The following RSRC1 variants were observed in gnomAD, a reference collection of about 807,000 sequenced individuals.
RSRC1 encodes arginine and serine rich coiled-coil 1, also known as serine/Arginine-related protein 53.
Under a neutral mutation model 49.1 loss-of-function variants are expected in RSRC1, and 39 were observed. That is an observed-to-expected ratio of 0.79 (90% CI 0.61 to 1.04). The LOEUF (loss-of-function observed/expected upper bound fraction) is 1.04. Among genes scored for constraint, RSRC1 ranks in the 50% least tolerant of loss-of-function variants. The pLI is 0.00. For synonymous variants in RSRC1, 143 were observed against 130.8 expected (o/e 1.09, Z -0.63); for missense variants, 388 against 402.4 (o/e 0.96, Z 0.31).
At chr3:158,200,755 C>T (rs1347644471) in intron 3 of RSRC1, among the ~76,000 whole-genome samples, 1 of 152,008 alleles carries the variant, frequency 6.6e-6, no homozygotes. Context: ...ATATAGGAAC[C>T]TTTTAACAGT....
At chr3:158,126,848 A>C (rs1046098128) in intron 3 of RSRC1, among the ~76,000 whole-genome samples, 2 of 151,890 alleles carry the variant, frequency 1.3e-5, no homozygotes, top group Admixed American at 1.3e-4. Flanking sequence ...ATTTTGCTTG[A>C]TATAGTGTTC....
chr3:158,318,017 TTG>T (rs201577976), intron 5 of RSRC1, among the ~76,000 whole-genome samples: 1 of 132,840 alleles, frequency 7.5e-6, no homozygotes, highest in Non-Finnish European at 1.6e-5. Context: ...TTATGAAGTT[TTG>T]TGTGTGCGTG....
At position 158,461,007 on chromosome 3, in the gene RSRC1, A is replaced by G; in HGVS notation, c.652+4A>G. 1 of 1,592,886 alleles carries G rather than the reference A, an allele frequency of 6.3e-7. No individual in the cohort carries two copies. The highest frequency in any genetic ancestry group is 8.6e-7 in the Non-Finnish European group (1 of 1,165,834). On this transcript the variant is annotated splice_donor_region_variant and intron_variant, in intron 7 of 9. Transcript: ENST00000611884. ...GCAAAGAGAAGAAAGGAGGAAGGTA[A>G]AGGCATGTGTTCATTTTTCTCTGAG...
chr3:158,413,945 G>C lies in RSRC1; in HGVS notation c.584-46990G>C, dbSNP rs529388363. On this transcript the variant is annotated intron_variant, in intron 6 of 9. Transcript: ENST00000611884. ...AGTGTGGAGATTCCTCAAAGACCTA[G>C]ATCCAGAAATAACATTTGAACCAGC... is the stretch of plus-strand genomic sequence containing the variant. 5.3e-5 allele frequency among the ~76,000 whole-genome samples: 8 copies of C among 152,178 alleles called. No homozygotes were observed. The South Asian group carries it at 1.7e-3, about 32-fold the overall frequency.
chr3:158,156,162 A>C (rs527878391), intron 3 of RSRC1, among the ~76,000 whole-genome samples: 2 of 152,350 alleles, frequency 1.3e-5, no homozygotes, highest in African/African-American at 4.8e-5. Context: ...GTCCTCTATC[A>C]GCACGTACTG....
chr3:158,362,073 T>C (rs1316272033), intron 6 of RSRC1, among the ~76,000 whole-genome samples: 1 of 152,222 alleles, frequency 6.6e-6, no homozygotes, highest in Non-Finnish European at 1.5e-5. Context: ...ACATGGTGGC[T>C]CACTCCTATA....
At chr3:158,275,654 C>T (rs1300588832) in intron 4 of RSRC1, among the ~76,000 whole-genome samples, 1 of 152,212 alleles carries the variant, frequency 6.6e-6, no homozygotes, top group Non-Finnish European at 1.5e-5. Flanking sequence ...CACACCATCA[C>T]TTATTGTCTT....
chr3:158,307,810 AT>A (rs1029091638), intron 5 of RSRC1, among the ~76,000 whole-genome samples: 1 of 151,826 alleles, frequency 6.6e-6, no homozygotes, highest in Non-Finnish European at 1.5e-5. Flanking sequence ...AATTTTATGT[AT>A]ATGAAACTAA....
chr3:158,354,814 TA>T lies in RSRC1; in HGVS notation c.532-39del, dbSNP rs771571979. The T allele has an allele frequency of 4.0e-6, 6 of 1,482,986 alleles. No homozygotes were observed. In the African/African-American group the frequency reaches 5.8e-5, roughly 14 times the overall value. The allele number at this position is 1,482,986 out of a possible 1,614,324, so 91.9% of individuals were successfully genotyped here. A position where few individuals can be genotyped will look rare whatever the true frequency, so the allele number is the denominator to read the frequency against. ...AACTCCATCAATTAAAACTGACCTGTAAAAGTCTTGTATGGTTGAATTTTTT... is the reference window on the plus strand; with the variant it reads ...AACTCCATCAATTAAAACTGACCTGTAAAGTCTTGTATGGTTGAATTTTTT... On this transcript the variant is annotated intron_variant, in intron 5 of 9. Transcript: ENST00000611884.
At chr3:158,287,094 G>A (rs973436470) in intron 4 of RSRC1, among the ~76,000 whole-genome samples, 1 of 152,158 alleles carries the variant, frequency 6.6e-6, no homozygotes, top group African/African-American at 2.4e-5. Flanking sequence ...CCAAAGTGCT[G>A]GGATTACAGG....
At chr3:158,151,044 A>T (rs1717502636) in intron 3 of RSRC1, among the ~76,000 whole-genome samples, 1 of 152,204 alleles carries the variant, frequency 6.6e-6, no homozygotes, top group South Asian at 2.1e-4. Context: ...CCTTATATTT[A>T]TCCTTTGAAT....
At position 158,468,371 on chromosome 3, in the gene RSRC1, T is replaced by G. The variant is rs1409859682; in HGVS notation, c.652+7368T>G. On this transcript the variant is annotated intron_variant, in intron 7 of 9. Transcript: ENST00000611884. ...TCTGTCATTAAACACAAGTTTTTATTTTCTCAATTTTAGCAGCATTATCTT... is the reference window on the plus strand; with the variant it reads ...TCTGTCATTAAACACAAGTTTTTATGTTCTCAATTTTAGCAGCATTATCTT... Among the ~76,000 whole-genome samples, 5 of 152,334 alleles carry G rather than the reference T, an allele frequency of 3.3e-5. No individual in the cohort carries two copies. In the East Asian group the frequency reaches 9.6e-4, roughly 29 times the overall value.
chr3:158,381,314 G>C (rs1732684558), intron 6 of RSRC1, among the ~76,000 whole-genome samples: 1 of 152,150 alleles, frequency 6.6e-6, no homozygotes, highest in Admixed American at 6.5e-5. Flanking sequence ...TGTTGCTATT[G>C]TGATGAGCTC....
At chr3:158,246,416 A>G (rs767618545) in intron 4 of RSRC1, among the ~76,000 whole-genome samples, 5 of 151,724 alleles carry the variant, frequency 3.3e-5, no homozygotes, top group East Asian at 3.9e-4. Flanking sequence ...AAAGGATAGC[A>G]TTGTTATGTG....
At chr3:158,376,137 A>ATCCCTCCCTCCCTCCCTCCC (rs58871024) in intron 6 of RSRC1, among the ~76,000 whole-genome samples, 4 of 88,630 alleles carry the variant, frequency 4.5e-5, no homozygotes, top group African/African-American at 2.0e-4. Flanking sequence ...GAAAGAATAT[A>ATCCCTCCCTCCCTCCCTCCC]TCCCTCCCTC....
At chr3:158,193,321 C>T (rs1720350110) in intron 3 of RSRC1, among the ~76,000 whole-genome samples, 1 of 151,916 alleles carries the variant, frequency 6.6e-6, no homozygotes, top group Admixed American at 6.6e-5. Context: ...CCAAAATCCA[C>T]CTCATCTGGA....
intron 6 of RSRC1, among the ~76,000 whole-genome samples, chr3:158,370,526 T>G (rs1468867655): frequency 6.6e-6 from 1 of 151,994 alleles, no homozygotes; most frequent in African/African-American, 2.4e-5. Flanking sequence ...GTGTTTTGTG[T>G]CTGTAGTCTT....
At chr3:158,289,919 C>T (rs1268919021) in intron 4 of RSRC1, among the ~76,000 whole-genome samples, 1 of 142,394 alleles carries the variant, frequency 7.0e-6, no homozygotes, top group Non-Finnish European at 1.5e-5. Context: ...GTCTTTCTAT[C>T]TTTCTATCCA....
At chr3:158,364,360 C>A (rs553812731) in intron 6 of RSRC1, among the ~76,000 whole-genome samples, 2 of 151,982 alleles carry the variant, frequency 1.3e-5, no homozygotes, top group Non-Finnish European at 1.5e-5. Context: ...GGGCAAACCC[C>A]CCAAAAAGAG....
Sources: allele counts gnomAD v4.1 joint callset (sites outside exome capture counted in the v4.1 genomes callset), GRCh38; gene constraint gnomAD v4.1.1; transcripts MANE v1.5; gene names NCBI Gene and HGNC (gene_info 2026-07-23, HGNC 2026-07-21).